Variants in KCNA5 observed in about 807,000 individuals in gnomAD.
KCNA5 encodes cardiac potassium channel.
In KCNA5, 22 loss-of-function variants were observed where a neutral mutation model predicts 26.5. That is an observed-to-expected ratio of 0.83 (90% CI 0.59 to 1.18). The LOEUF (loss-of-function observed/expected upper bound fraction) is 1.18. KCNA5 is among the 50% of genes most tolerant of loss of function. KCNA5 has a pLI of 0.00. For missense variants in KCNA5, 916 were observed against 843.2 expected (o/e 1.09, Z -1.07); for synonymous variants, 465 against 372.8 (o/e 1.25, Z -2.85).
At position 5,044,354 on chromosome 12, in the gene KCNA5, G is replaced by T. The variant is rs757133156; in HGVS notation, c.207G>T (p.Pro69=). The change falls in exon 1 of 1, where the codon CCG becomes CCT. Residue 69 remains proline (P), a synonymous_variant. Transcript: ENST00000252321. ...DADSGVRPLP[P]LPDPGVRPLP... ...ACTCGGGAGTGCGGCCCTTGCCTCC[G>T]CTGCCGGACCCGGGAGTGCGGCCCT... is the stretch of plus-strand genomic sequence containing the variant. 1.2e-4 allele frequency: 184 copies of T among 1,547,266 alleles called. No individual in the cohort carries two copies. The highest frequency in any genetic ancestry group is 1.9e-5 in the Admixed American group (1 of 52,308).
chr12:5,045,199 G>A lies in KCNA5; in HGVS notation c.1052G>A (p.Gly351Glu). Residue 351 changes from glycine (G) to glutamate (E), a missense_variant, in exon 1 of 1, where the codon GGG becomes GAG. Gly to Glu is a moderately conservative substitution (Grantham distance 98, BLOSUM62 -2). Transcript: ENST00000252321. The surrounding 1 kb of genome is among the most constrained non-coding windows in gnomAD (Gnocchi z 5.6). ...VRFFACPSKA[G>E]FSRNIMNIID... ...TTCTTCGCCTGCCCCAGCAAGGCAG[G>A]GTTCTCCCGGAACATCATGAACATC... The A allele has an allele frequency of 6.2e-7, 1 of 1,614,208 alleles. No individual in the cohort carries two copies. Among genetic ancestry groups the A allele is most frequent in the Non-Finnish European group, 8.5e-7 (1 of 1,180,044 alleles).
Position 5,045,362 on chromosome 12 carries a change from C to T in KCNA5, c.1215C>T (p.Val405=), listed in dbSNP as rs1408208283. Residue 405 remains valine (V), a synonymous_variant, in exon 1 of 1, where the codon GTC becomes GTT. Coordinates refer to ENST00000252321, the MANE Select transcript of KCNA5 (RefSeq NM_002234.4). This position sits in a 1 kb window ranked among gnomAD's most constrained non-coding sequence, Gnocchi z 5.6. ...SLAILRVIRL[V]RVFRIFKLSR... is the part of the protein sequence containing the mutation. ...CCATCCTCCGAGTCATCCGCCTGGT[C>T]CGGGTGTTCCGCATCTTCAAGCTCT... The T allele has an allele frequency of 6.2e-7, 1 of 1,613,608 alleles. No individual in the cohort carries two copies. The highest frequency in any genetic ancestry group is 1.3e-5 in the African/African-American group (1 of 74,914).
chr12:5,045,053 G>T lies in KCNA5; in HGVS notation c.906G>T (p.Gly302=). 6.2e-7 allele frequency: 1 copy of T among 1,612,204 alleles called. No homozygotes were observed. The highest frequency in any genetic ancestry group is 1.1e-5 in the South Asian group (1 of 90,984). Residue 302 remains glycine, a synonymous_variant, in exon 1 of 1, where the codon GGG becomes GGT. Coordinates refer to ENST00000252321, the MANE Select transcript of KCNA5 (RefSeq NM_002234.4). This position sits in a 1 kb window ranked among gnomAD's most constrained non-coding sequence, Gnocchi z 5.6. The stretch of plus-strand genomic sequence containing the variant: ...CCGCCCCTGGGGCCAACGGCAGCGG[G>T]GTCATGGCCCCGCCCTCTGGCCCTA... ...PAPAPGANGS[G]VMAPPSGPTV...
chr12:5,045,613 TCA>T lies in KCNA5; in HGVS notation c.1468_1469del (p.Thr490CysfsTer46), dbSNP rs1862768001. The T allele has an allele frequency of 6.2e-7, 1 of 1,614,146 alleles. No homozygotes were observed. Among genetic ancestry groups the T allele is most frequent in the African/African-American group, 1.3e-5 (1 of 75,034 alleles). On this transcript the variant is annotated frameshift_variant, in exon 1 of 1. Coordinates refer to ENST00000252321, the MANE Select transcript of KCNA5 (RefSeq NM_002234.4). LOFTEE classifies it high-confidence loss of function. This position sits in a 1 kb window ranked among gnomAD's most constrained non-coding sequence, Gnocchi z 5.6. Reference sequence around the variant, plus strand: ...GTGGGCTACGGGGACATGAGGCCCATCACTGTTGGGGGCAAGATCGTGGGCTC... The same window carrying T: ...GTGGGCTACGGGGACATGAGGCCCATCTGTTGGGGGCAAGATCGTGGGCTC...
At position 5,046,099 on chromosome 12, in the gene KCNA5, C is replaced by A; in HGVS notation, c.*110C>A. 7.7e-7 allele frequency: 1 copy of A among 1,299,768 alleles called. No individual in the cohort carries two copies. The highest frequency in any genetic ancestry group is 1.1e-6 in the Non-Finnish European group (1 of 917,012). The allele number at this position is 1,299,768 out of a possible 1,614,324, so 80.5% of individuals were successfully genotyped here. ...TTTGAAGTCACACTGTAACCTCAGT[C>A]TACCCCTCTCCTTTCACTCCTTTCC... On this transcript the variant is annotated 3_prime_UTR_variant, in exon 1 of 1. Coordinates refer to ENST00000252321, the MANE Select transcript of KCNA5 (RefSeq NM_002234.4).
At position 5,045,273 on chromosome 12, in the gene KCNA5, C is replaced by T. The variant is rs1862763168; in HGVS notation, c.1126C>T (p.Leu376=). The T allele has an allele frequency of 6.2e-7, 1 of 1,614,212 alleles. No individual in the cohort carries two copies. Among genetic ancestry groups the T allele is most frequent in the Non-Finnish European group, 8.5e-7 (1 of 1,180,026 alleles). The stretch of plus-strand genomic sequence containing the variant: ...CTACTTCATCACCCTGGGCACCGAA[C>T]TGGCAGAGCAGCAGCCAGGGGGTGG... ...FPYFITLGTE[L]AEQQPGGGGG... The change falls in exon 1 of 1, where the codon CTG becomes TTG. Residue 376 remains leucine, a synonymous_variant. Transcript: ENST00000252321. This position sits in a 1 kb window ranked among gnomAD's most constrained non-coding sequence, Gnocchi z 5.6.
rs1324609945 is a variant in KCNA5, at chr12:5,045,650, C to A, written c.1503C>A (p.Ala501=). The A allele has an allele frequency of 6.2e-7, 1 of 1,614,068 alleles. No individual in the cohort carries two copies. Among genetic ancestry groups the A allele is most frequent in the Non-Finnish European group, 8.5e-7 (1 of 1,180,044 alleles). Reference sequence around the variant, plus strand: ...GCAAGATCGTGGGCTCGCTGTGTGCCATCGCCGGGGTCCTCACCATTGCCC... The same window carrying A: ...GCAAGATCGTGGGCTCGCTGTGTGCAATCGCCGGGGTCCTCACCATTGCCC... The part of the protein sequence containing the change: ...VGGKIVGSLC[A]IAGVLTIALP... Residue 501 remains alanine, a synonymous_variant, in exon 1 of 1, where the codon GCC becomes GCA. Transcript: ENST00000252321. The surrounding 1 kb of genome is among the most constrained non-coding windows in gnomAD (Gnocchi z 5.6).
chr12:5,044,110 G>A lies in KCNA5; in HGVS notation c.-38G>A, dbSNP rs1371621102. The A allele has an allele frequency of 2.0e-6, 3 of 1,532,304 alleles. No homozygotes were observed. The highest frequency in any genetic ancestry group is 2.0e-5 in the Admixed American group (1 of 50,918). The allele number at this position is 1,532,304 out of a possible 1,614,324, so 94.9% of individuals were successfully genotyped here. On this transcript the variant is annotated 5_prime_UTR_variant, in exon 1 of 1. Transcript: ENST00000252321. ...AGCGTGAGTAGGGGGCGCGGGAGCC[G>A]GTCAGCTGGGGCGCAGCATGCCCTC... is the stretch of plus-strand genomic sequence containing the variant.
chr12:5,046,089 T>C lies in KCNA5; in HGVS notation c.*100T>C. 1 of 1,398,734 alleles carries C rather than the reference T, an allele frequency of 7.1e-7. No homozygotes were observed. The highest frequency in any genetic ancestry group is 1.0e-6 in the Non-Finnish European group (1 of 1,002,588). The allele number at this position is 1,398,734 out of a possible 1,614,324, so 86.6% of individuals were successfully genotyped here. A position where few individuals can be genotyped will look rare whatever the true frequency, so the allele number is the denominator to read the frequency against. ...CCGCAGAGTATTTGAAGTCACACTGTAACCTCAGTCTACCCCTCTCCTTTC... is the reference window on the plus strand; with the variant it reads ...CCGCAGAGTATTTGAAGTCACACTGCAACCTCAGTCTACCCCTCTCCTTTC... On this transcript the variant is annotated 3_prime_UTR_variant, in exon 1 of 1. Coordinates refer to ENST00000252321, the MANE Select transcript of KCNA5 (RefSeq NM_002234.4).
At position 5,046,059 on chromosome 12, in the gene KCNA5, T is replaced by C; in HGVS notation, c.*70T>C. 1 of 1,570,032 alleles carries C rather than the reference T, an allele frequency of 6.4e-7. No individual in the cohort carries two copies. The highest frequency in any genetic ancestry group is 8.7e-7 in the Non-Finnish European group (1 of 1,143,970). On this transcript the variant is annotated 3_prime_UTR_variant, in exon 1 of 1. Transcript: ENST00000252321. ...GGCTTGCTGAACATGGATATCTACATTATACCGCAGAGTATTTGAAGTCAC... is the reference window on the plus strand; with the variant it reads ...GGCTTGCTGAACATGGATATCTACACTATACCGCAGAGTATTTGAAGTCAC...
chr12:5,045,373 G>T lies in KCNA5; in HGVS notation c.1226G>T (p.Arg409Leu). ...GTCATCCGCCTGGTCCGGGTGTTCC[G>T]CATCTTCAAGCTCTCCCGCCACTCC... ...LRVIRLVRVF[R>L]IFKLSRHSKG... Residue 409 changes from arginine (R) to leucine (L), a missense_variant, in exon 1 of 1, where the codon CGC becomes CTC. Physicochemically the swap from Arg to Leu is moderately radical, Grantham distance 102. Transcript: ENST00000252321. The surrounding 1 kb of genome is among the most constrained non-coding windows in gnomAD (Gnocchi z 5.6). 6.2e-7 allele frequency: 1 copy of T among 1,612,806 alleles called. No homozygotes were observed. Among genetic ancestry groups the T allele is most frequent in the Non-Finnish European group, 8.5e-7 (1 of 1,179,496 alleles).
At position 5,044,814 on chromosome 12, in the gene KCNA5, G is replaced by A. The variant is rs367992628; in HGVS notation, c.667G>A (p.Glu223Lys). 35 of 1,614,110 alleles carry A rather than the reference G, an allele frequency of 2.2e-5. No homozygotes were observed. The African/African-American group carries it at 4.3e-4, about 20-fold the overall frequency. ...FREDEGFIKE[E>K]EKPLPRNEFQ... Reference sequence around the variant, plus strand: ...CGAGGATGAGGGCTTCATTAAAGAAGAGGAGAAGCCCCTGCCCCGCAACGA... The same window carrying A: ...CGAGGATGAGGGCTTCATTAAAGAAAAGGAGAAGCCCCTGCCCCGCAACGA... The change falls in exon 1 of 1, where the codon GAG becomes AAG. Residue 223 changes from glutamate to lysine, a missense_variant. Transcript: ENST00000252321.
In KCNA5 at chr12:5,045,459, A is replaced by G. The variant is rs1416714031; in HGVS notation, c.1312A>G (p.Ile438Val). Residue 438 changes from isoleucine to valine, a missense_variant, in exon 1 of 1, where the codon ATC becomes GTC. Physicochemically the swap from Ile to Val is conservative, Grantham distance 29 (BLOSUM62 3). Transcript: ENST00000252321. This position sits in a 1 kb window ranked among gnomAD's most constrained non-coding sequence, Gnocchi z 5.6. ...CTCCATGAGGGAGCTGGGGCTGCTC[A>G]TCTTCTTCCTCTTCATCGGGGTCAT... is the stretch of plus-strand genomic sequence containing the variant. ...QASMRELGLL[I>V]FFLFIGVILF... 1.6e-5 allele frequency: 26 copies of G among 1,614,076 alleles called. No individual in the cohort carries two copies. The highest frequency in any genetic ancestry group is 2.2e-5 in the Non-Finnish European group (26 of 1,180,042).
At position 5,045,384 on chromosome 12, in the gene KCNA5, C is replaced by A. The variant is rs764965372; in HGVS notation, c.1237C>A (p.Leu413Ile). The change falls in exon 1 of 1, where the codon CTC (leucine) becomes ATC (isoleucine). Residue 413 changes from leucine (L) to isoleucine (I), a missense_variant. Physicochemically the swap from Leu to Ile is conservative, Grantham distance 5 (BLOSUM62 2). Transcript: ENST00000252321. The surrounding 1 kb of genome is among the most constrained non-coding windows in gnomAD (Gnocchi z 5.6). The stretch of plus-strand genomic sequence containing the variant: ...GGTCCGGGTGTTCCGCATCTTCAAG[C>A]TCTCCCGCCACTCCAAGGGGCTGCA... ...RLVRVFRIFKLSRHSKGLQIL... is the reference protein window; with the variant it reads ...RLVRVFRIFKISRHSKGLQIL... The A allele has an allele frequency of 6.2e-7, 1 of 1,612,936 alleles. No homozygotes were observed. Among genetic ancestry groups the A allele is most frequent in the Non-Finnish European group, 8.5e-7 (1 of 1,179,442 alleles).
At position 5,045,234 on chromosome 12, in the gene KCNA5, G is replaced by A; in HGVS notation, c.1087G>A (p.Val363Met). 6.2e-7 allele frequency: 1 copy of A among 1,614,212 alleles called. No individual in the cohort carries two copies. Among genetic ancestry groups the A allele is most frequent in the Non-Finnish European group, 8.5e-7 (1 of 1,180,032 alleles). ...GAACATCATGAACATCATCGATGTGGTGGCCATCTTCCCCTACTTCATCAC... is the reference window on the plus strand; with the variant it reads ...GAACATCATGAACATCATCGATGTGATGGCCATCTTCCCCTACTTCATCAC... The part of the protein sequence containing the change: ...SRNIMNIIDV[V>M]AIFPYFITLG... The change falls in exon 1 of 1, where the codon GTG (valine) becomes ATG (methionine). Residue 363 changes from valine to methionine, a missense_variant. Coordinates refer to ENST00000252321, the MANE Select transcript of KCNA5 (RefSeq NM_002234.4). The surrounding 1 kb of genome is among the most constrained non-coding windows in gnomAD (Gnocchi z 5.6).
rs750031654 is a variant in KCNA5 at position 5,044,690 on chromosome 12, C to T, written c.543C>T (p.Ser181=). The change falls in exon 1 of 1, where the codon TCC becomes TCT. Residue 181 remains serine, a synonymous_variant. Transcript: ENST00000252321. ...ACGGTATCCTCTACTACTACCAGTC[C>T]GGGGGCCGCCTGCGGAGGCCGGTCA... ...SFDGILYYYQ[S]GGRLRRPVNV... is the part of the protein sequence containing the mutation. 2.7e-5 allele frequency: 43 copies of T among 1,614,002 alleles called. No homozygotes were observed. The highest frequency in any genetic ancestry group is 6.6e-5 in the South Asian group (6 of 91,080).
Position 5,046,176 on chromosome 12 carries a change from T to G in KCNA5, c.*187T>G. 1.3e-6 allele frequency: 1 copy of G among 754,260 alleles called. No individual in the cohort carries two copies. Among genetic ancestry groups the G allele is most frequent in the Non-Finnish European group, 2.3e-6 (1 of 442,036 alleles). 46.7% of individuals were successfully genotyped at this position (754,260 alleles called of 1,614,324 possible). On this transcript the variant is annotated 3_prime_UTR_variant, in exon 1 of 1. Coordinates refer to ENST00000252321, the MANE Select transcript of KCNA5 (RefSeq NM_002234.4). ...CTATTCTTTCCATGACACCCAAGGG[T>G]CGCCTATTTTTAAAAAGTACCACAT...
Position 5,044,332 on chromosome 12 carries a change from C to G in KCNA5, c.185C>G (p.Ser62Trp). 6.5e-7 allele frequency: 1 copy of G among 1,547,588 alleles called. No homozygotes were observed. The highest frequency in any genetic ancestry group is 8.7e-7 in the Non-Finnish European group (1 of 1,151,906). ...CGCGGCGCGCAGAGAGACGCGGACT[C>G]GGGAGTGCGGCCCTTGCCTCCGCTG... ...KGRGAQRDAD[S>W]GVRPLPPLPD... Residue 62 changes from serine (S) to tryptophan (W), a missense_variant, in exon 1 of 1, where the codon TCG becomes TGG. Transcript: ENST00000252321.
In KCNA5 at chr12:5,044,256, C is replaced by T. The variant is rs781074600; in HGVS notation, c.109C>T (p.Pro37Ser). ...GQATGGELQC[P>S]PTAGLSDGPK... Reference sequence around the variant, plus strand: ...GGCCACAGGGGGAGAGCTCCAGTGTCCCCCGACGGCTGGGCTCAGCGATGG... The same window carrying T: ...GGCCACAGGGGGAGAGCTCCAGTGTTCCCCGACGGCTGGGCTCAGCGATGG... The change falls in exon 1 of 1, where the codon CCC (proline) becomes TCC (serine). Residue 37 changes from proline to serine, a missense_variant. Transcript: ENST00000252321. The T allele has an allele frequency of 7.8e-6, 12 of 1,540,676 alleles. No individual in the cohort carries two copies. The highest frequency in any genetic ancestry group is 4.7e-5 in the South Asian group (4 of 84,232).
Sources: gnomAD v4.1 joint callset for allele counts on GRCh38, gnomAD v4.1.1 for gene constraint, Gnocchi (gnomAD v3.1) non-coding constraint, MANE v1.5 for transcripts, NCBI Gene and HGNC (gene_info 2026-07-23, HGNC 2026-07-21) for gene names.